OSBP: variants seen among roughly 807,000 people sequenced by gnomAD.
OSBP encodes oxysterol binding protein.
OSBP carries 32 observed loss-of-function variants against 96.6 expected under a neutral mutation model. The ratio of observed to expected loss-of-function variants is 0.33; its 90% CI spans 0.25 to 0.45. The LOEUF (loss-of-function observed/expected upper bound fraction) is 0.45, where lower values mean the gene tolerates loss of function less well. OSBP is among the 20% of genes least tolerant of loss of function. The pLI is 1.00. For synonymous variants in OSBP, 369 were observed against 389.6 expected (o/e 0.95, Z 0.62); for missense variants, 653 against 1,029.7 (o/e 0.63, Z 5.01).
In OSBP at chr11:59,580,279, G is replaced by GA. The variant is rs754377626; in HGVS notation, c.1783-11dup. ...TATCAATTTCGCCAGACTGTAAAAT[G>GA]AAAAAATTCAGTTTTATTAAGACTG... On this transcript the variant is annotated splice_polypyrimidine_tract_variant and intron_variant, in intron 10 of 13. Transcript: ENST00000263847. 265 of 1,576,442 alleles carry GA rather than the reference G, an allele frequency of 1.7e-4. No individual in the cohort carries two copies. In the Middle Eastern group the frequency reaches 2.3e-3, roughly 14 times the overall value.
intron 9 of OSBP, among the ~76,000 whole-genome samples, chr11:59,583,126 C>T (rs1164475305): frequency 6.6e-6 from 1 of 152,088 alleles, no homozygotes; most frequent in African/African-American, 2.4e-5. Flanking sequence ...GCCTGGCCAA[C>T]ATGATGAAAC....
rs1860361630 is a variant in OSBP at position 59,576,364 on chromosome 11, A to ATCTCCTATG, written c.*204_*212dup. The ATCTCCTATG allele has an allele frequency of 3.6e-6, 2 of 558,590 alleles. No homozygotes were observed. The highest frequency in any genetic ancestry group is 6.3e-6 in the Non-Finnish European group (2 of 316,908). The allele number at this position is 558,590 out of a possible 1,614,324, so 34.6% of individuals were successfully genotyped here. On this transcript the variant is annotated 3_prime_UTR_variant, in exon 14 of 14. Coordinates refer to ENST00000263847, the MANE Select transcript of OSBP (RefSeq NM_002556.3). ...TAAACCTCTCCCTTACAGACATAGT[A>ATCTCCTATG]TCTCCTATGTCGATTTCAGTTTCAA...
chr11:59,585,209 GCCATCAC>G (rs1860481761), intron 9 of OSBP, among the ~76,000 whole-genome samples: 1 of 151,726 alleles, frequency 6.6e-6, no homozygotes, highest in Non-Finnish European at 1.5e-5. Flanking sequence ...CTTCCCGGCC[GCCATCAC>G]ATCTAGGAAG....
intron 9 of OSBP, among the ~76,000 whole-genome samples, chr11:59,584,257 A>C (rs1860466497): frequency 6.6e-6 from 1 of 152,068 alleles, no homozygotes; most frequent in Admixed American, 6.6e-5. Flanking sequence ...TAAATCTCTT[A>C]ACCAATACCT....
Position 59,593,629 on chromosome 11 carries a change from G to A in OSBP, c.1653C>T (p.Gly551=). The A allele has an allele frequency of 6.2e-7, 1 of 1,614,024 alleles. No homozygotes were observed. The highest frequency in any genetic ancestry group is 8.5e-7 in the Non-Finnish European group (1 of 1,179,926). The part of the protein sequence containing the change: ...QEIKITSKFR[G]KYLSIMPLGT... ...CGAGGGGCATAATGGAGAGGTATTTGCCTCGAAACTTGCTGGTGATTTTGA... is the reference window on the plus strand; with the variant it reads ...CGAGGGGCATAATGGAGAGGTATTTACCTCGAAACTTGCTGGTGATTTTGA... The change falls in exon 9 of 14, where the codon GGC becomes GGT. Residue 551 remains glycine (G), a synonymous_variant. Transcript: ENST00000263847.
At chr11:59,607,857 T>C (rs968193045) in intron 3 of OSBP, among the ~76,000 whole-genome samples, 2 of 152,242 alleles carry the variant, frequency 1.3e-5, no homozygotes, top group Non-Finnish European at 2.9e-5. Flanking sequence ...GCTGAAGTTT[T>C]ACCACTCTTT....
intron 3 of OSBP, among the ~76,000 whole-genome samples, chr11:59,607,022 C>A (rs1022457160): frequency 6.6e-6 from 1 of 151,894 alleles, no homozygotes; most frequent in Admixed American, 6.6e-5. Flanking sequence ...AAGATGAGTA[C>A]ATTTTCAAGA....
chr11:59,608,667 G>A lies in OSBP; in HGVS notation c.639C>T (p.Thr213=), dbSNP rs143413617. 6.2e-7 allele frequency: 1 copy of A among 1,613,898 alleles called. No individual in the cohort carries two copies. The highest frequency in any genetic ancestry group is 8.5e-7 in the Non-Finnish European group (1 of 1,179,802). The part of the protein sequence containing the change: ...DKTELQNTLR[T]LSSKVEDLST... ...TCAAGTCCTCTACTTTGCTAGAGAG[G>A]GTCCGAAGGGTATTCTGCAGCTCAG... The change falls in exon 3 of 14, where the codon ACC becomes ACT. Residue 213 remains threonine, a synonymous_variant. Coordinates refer to ENST00000263847, the MANE Select transcript of OSBP (RefSeq NM_002556.3).
intron 9 of OSBP, among the ~76,000 whole-genome samples, chr11:59,592,806 T>C (rs1331238690): frequency 1.3e-5 from 2 of 151,902 alleles, no homozygotes; most frequent in Non-Finnish European, 2.9e-5. Context: ...TTCCTTTTTT[T>C]TTTTTTTGAG....
intron 8 of OSBP, 57 bp downstream of exon 8, chr11:59,593,952 CA>C (rs968329543): frequency 3.8e-6 from 6 of 1,593,086 alleles, no homozygotes; most frequent in Middle Eastern, 1.7e-4. Flanking sequence ...GGGGATTAAC[CA>C]AAAAATCATC....
At chr11:59,594,377 C>G (rs1442253859) in intron 7 of OSBP, 122 bp from the exon 8 acceptor site, 4 of 905,506 alleles carry the variant, frequency 4.4e-6, no homozygotes, top group Admixed American at 2.5e-5. Context: ...TAGAGCGGCT[C>G]TAATATTTAA....
At chr11:59,607,763 T>C (rs1329452552) in intron 3 of OSBP, among the ~76,000 whole-genome samples, 2 of 152,114 alleles carry the variant, frequency 1.3e-5, no homozygotes, top group African/African-American at 4.8e-5. Context: ...CCATGGGTGC[T>C]CTGTTTACTC....
At chr11:59,602,281 A>G (rs1218005018) in intron 3 of OSBP, among the ~76,000 whole-genome samples, 1 of 152,102 alleles carries the variant, frequency 6.6e-6, no homozygotes, top group East Asian at 1.9e-4. Flanking sequence ...AGAACAGAGA[A>G]TCCACACTGA....
Position 59,585,695 on chromosome 11 carries a change from T to A in OSBP, c.1679-4141A>T, listed in dbSNP as rs566034971. On this transcript the variant is annotated intron_variant, in intron 9 of 13. Transcript: ENST00000263847. The stretch of plus-strand genomic sequence containing the variant: ...CCAACAGCTCATTGAGAACTGGCCA[T>A]GATGACAATGGCGGTTTTGTGGAAT... Among the ~76,000 whole-genome samples, 291 of 152,340 alleles carry A rather than the reference T, an allele frequency of 1.9e-3. 1 individual carries two copies. Among genetic ancestry groups the A allele is most frequent in the Middle Eastern group, 6.8e-3 (2 of 294 alleles).
At chr11:59,587,992 C>T (rs1417305801) in intron 9 of OSBP, among the ~76,000 whole-genome samples, 1 of 152,148 alleles carries the variant, frequency 6.6e-6, no homozygotes, top group South Asian at 2.1e-4. Flanking sequence ...AGTCCATCAA[C>T]AGATGAATGG....
At chr11:59,611,314 T>C (rs1198621695) in intron 1 of OSBP, among the ~76,000 whole-genome samples, 1 of 152,212 alleles carries the variant, frequency 6.6e-6, no homozygotes, top group East Asian at 1.9e-4. Flanking sequence ...ATCATCTCAG[T>C]AAGTTCCTTC....
chr11:59,595,384 C>CA (rs947298690), intron 7 of OSBP, among the ~76,000 whole-genome samples: 3 of 151,490 alleles, frequency 2.0e-5, no homozygotes, highest in African/African-American at 7.3e-5. Flanking sequence ...CTTAAACAAA[C>CA]AAAAAAAACA....
chr11:59,598,317 A>G (rs1196085684), intron 7 of OSBP, among the ~76,000 whole-genome samples: 2 of 152,200 alleles, frequency 1.3e-5, no homozygotes, highest in Non-Finnish European at 2.9e-5. Context: ...GAAACCACAC[A>G]TTGGTCCATA....
rs1433975979 is a variant in OSBP, at chr11:59,575,377, A to G, written c.*1200T>C. On this transcript the variant is annotated 3_prime_UTR_variant, in exon 14 of 14. Transcript: ENST00000263847. ...CAGACATGATCCTGCTCAGGTTTTG[A>G]AATCTCTCTGCCCATAAAAGATGGA... 1 of 152,248 alleles carries G rather than the reference A, an allele frequency of 6.6e-6. No homozygotes were observed. The highest frequency in any genetic ancestry group is 6.5e-5 in the Admixed American group (1 of 15,274). The allele number at this position is 152,248 out of a possible 1,614,324, so 9.4% of individuals were successfully genotyped here.
Sources: allele counts gnomAD v4.1 joint callset (sites outside exome capture counted in the v4.1 genomes callset), GRCh38; gene constraint gnomAD v4.1.1; transcripts MANE v1.5; gene names NCBI Gene and HGNC (gene_info 2026-07-23, HGNC 2026-07-21).